Variants in DOK6 observed in about 807,000 individuals in gnomAD.
The protein encoded by DOK6 is docking protein 6.
Under a neutral mutation model 44.0 loss-of-function variants are expected in DOK6, and 22 were observed. The observed-to-expected ratio is 0.50, with a 90% confidence interval of 0.36 to 0.71. The LOEUF is 0.71. DOK6 is among the 30% of genes least tolerant of loss of function. DOK6 has a pLI of 0.00. For synonymous variants in DOK6, 166 were observed against 145.5 expected (o/e 1.14, Z -1.01); for missense variants, 340 against 416.4 (o/e 0.82, Z 1.60).
intron 1 of DOK6, among the ~76,000 whole-genome samples, chr18:69,420,097 C>G (rs1438338585): frequency 6.6e-6 from 1 of 151,762 alleles, no homozygotes; most frequent in Non-Finnish European, 1.5e-5. Context: ...TGTGAACATA[C>G]TAAAATTTAG....
chr18:69,502,665 A>G (rs762377831), intron 1 of DOK6, among the ~76,000 whole-genome samples: 12 of 152,052 alleles, frequency 7.9e-5, no homozygotes, highest in Non-Finnish European at 1.3e-4. Flanking sequence ...CATAACCTCA[A>G]ATCCCATGTT....
chr18:69,568,102 G>A (rs569023239), intron 2 of DOK6, among the ~76,000 whole-genome samples: 1 of 152,292 alleles, frequency 6.6e-6, no homozygotes, highest in South Asian at 2.1e-4. Context: ...CTGGGCACAA[G>A]CCCAACCTGT....
chr18:69,730,575 C>G (rs1487184852), intron 5 of DOK6, among the ~76,000 whole-genome samples: 1 of 152,116 alleles, frequency 6.6e-6, no homozygotes, highest in Non-Finnish European at 1.5e-5. Context: ...GAAGGTGATT[C>G]AAGCTATCTA....
intron 1 of DOK6, among the ~76,000 whole-genome samples, chr18:69,438,030 G>A (rs1356039200): frequency 6.6e-6 from 1 of 152,162 alleles, no homozygotes; most frequent in African/African-American, 2.4e-5. Context: ...ATATTTTGCT[G>A]GTGAAGGGTC....
In DOK6 at chr18:69,599,423, C is replaced by T. The variant is rs2144622181; in HGVS notation, c.214C>T (p.Pro72Ser). Residue 72 changes from proline to serine, a missense_variant, in exon 3 of 8, where the codon CCC becomes TCC. Physicochemically the swap from Pro to Ser is moderately conservative, Grantham distance 74. Transcript: ENST00000382713. Reference sequence around the variant, plus strand: ...CAATATCAAAAATATAACCAGACTGCCCCGAGAGACAAAGAAGCATGCGGT... The same window carrying T: ...CAATATCAAAAATATAACCAGACTGTCCCGAGAGACAAAGAAGCATGCGGT... Reference protein sequence around the residue: ...LHNIKNITRLPRETKKHAVAI... With the variant: ...LHNIKNITRLSRETKKHAVAI... 2.5e-6 allele frequency: 4 copies of T among 1,613,794 alleles called. No homozygotes were observed. Among genetic ancestry groups the T allele is most frequent in the Non-Finnish European group, 3.4e-6 (4 of 1,179,904 alleles).
chr18:69,756,589 G>A (rs1979363458), intron 6 of DOK6, among the ~76,000 whole-genome samples: 1 of 152,210 alleles, frequency 6.6e-6, no homozygotes, highest in Non-Finnish European at 1.5e-5. Context: ...TAAAATGTAA[G>A]AACCTCTTAG....
chr18:69,781,742 A>G (rs1980275657), intron 7 of DOK6, among the ~76,000 whole-genome samples: 1 of 152,180 alleles, frequency 6.6e-6, no homozygotes, highest in East Asian at 1.9e-4. Flanking sequence ...TATGCAAATG[A>G]CATCATTTGG....
intron 2 of DOK6, among the ~76,000 whole-genome samples, chr18:69,587,207 C>T (rs979379242): frequency 6.6e-6 from 1 of 152,160 alleles, no homozygotes; most frequent in Non-Finnish European, 1.5e-5. Flanking sequence ...TATTCTCTTA[C>T]AGTTCTGGAT....
Position 69,841,416 on chromosome 18 carries a change from G to T in DOK6, c.*33G>T. The stretch of plus-strand genomic sequence containing the variant: ...AGAGCCGCTGTTGACTAGAGAGACA[G>T]TCTGTCCTGGACCCGTCTGTGGGGT... On this transcript the variant is annotated 3_prime_UTR_variant, in exon 8 of 8. Transcript: ENST00000382713. 6.2e-7 allele frequency: 1 copy of T among 1,613,848 alleles called. No homozygotes were observed. Among genetic ancestry groups the T allele is most frequent in the Non-Finnish European group, 8.5e-7 (1 of 1,179,918 alleles).
rs182287842 is a variant in DOK6 at position 69,682,708 on chromosome 18, C to T, written c.409+4855C>T. 2.3e-3 allele frequency among the ~76,000 whole-genome samples: 352 copies of T among 152,022 alleles called. 4 individuals are homozygous for T. Among genetic ancestry groups the T allele is most frequent in the Non-Finnish European group, 1.1e-3 (74 of 68,000 alleles). ...AATAGCAGTTAGAATGTATGACATA[C>T]GGAAAGGAAGTGAAAAGCTGATATA... is the stretch of plus-strand genomic sequence containing the variant. On this transcript the variant is annotated intron_variant, in intron 4 of 7. Transcript: ENST00000382713.
chr18:69,710,741 G>A (rs902703471), intron 5 of DOK6, among the ~76,000 whole-genome samples: 2 of 152,234 alleles, frequency 1.3e-5, no homozygotes, highest in Middle Eastern at 3.2e-3. Context: ...AAAAGATAAT[G>A]TAGTCCATCA....
At chr18:69,650,607 C>T (rs557900600) in intron 3 of DOK6, among the ~76,000 whole-genome samples, 6 of 152,242 alleles carry the variant, frequency 3.9e-5, no homozygotes, top group Admixed American at 1.3e-4. Flanking sequence ...CTATCATATC[C>T]AATGAAGGGA....
chr18:69,701,981 AAT>A (rs1057077781), intron 5 of DOK6, among the ~76,000 whole-genome samples: 6 of 152,104 alleles, frequency 3.9e-5, no homozygotes, highest in African/African-American at 1.4e-4. Context: ...AAAGTTCTTA[AAT>A]ATGATACAAA....
chr18:69,514,315 C>T (rs1981455748), intron 1 of DOK6, among the ~76,000 whole-genome samples: 1 of 152,042 alleles, frequency 6.6e-6, no homozygotes, highest in Non-Finnish European at 1.5e-5. Context: ...CATTTAAGAA[C>T]ACTTTTCTCC....
chr18:69,433,176 G>A (rs6566422), intron 1 of DOK6, among the ~76,000 whole-genome samples: 43,185 of 152,008 alleles, frequency 0.28, 6,656 homozygotes, highest in East Asian at 0.43. Flanking sequence ...TATTAATAAA[G>A]TTATAATTAG....
At chr18:69,458,272 C>A (rs989050178) in intron 1 of DOK6, among the ~76,000 whole-genome samples, 4 of 152,186 alleles carry the variant, frequency 2.6e-5, no homozygotes, top group African/African-American at 7.2e-5. Context: ...TGATTCACCA[C>A]ATAAAAAGAA....
chr18:69,790,955 A>G (rs1381120076), intron 7 of DOK6, among the ~76,000 whole-genome samples: 1 of 114,334 alleles, frequency 8.7e-6, no homozygotes, highest in East Asian at 2.7e-4. Context: ...TCTAGTAACC[A>G]CCATTCTACT....
At chr18:69,605,314 C>A (rs757828808) in intron 3 of DOK6, among the ~76,000 whole-genome samples, 17 of 152,106 alleles carry the variant, frequency 1.1e-4, no homozygotes, top group Non-Finnish European at 2.4e-4. Flanking sequence ...CAGCCCCATG[C>A]GAACTGACCT....
intron 1 of DOK6, among the ~76,000 whole-genome samples, chr18:69,445,429 C>A (rs140033083): frequency 5.9e-5 from 9 of 152,260 alleles, no homozygotes; most frequent in African/African-American, 2.2e-4. Context: ...ATGAACTTTT[C>A]ATAAACGCCT....
Sources: gnomAD v4.1 joint callset for allele counts (sites outside exome capture counted in the v4.1 genomes callset) on GRCh38, gnomAD v4.1.1 for gene constraint, MANE v1.5 for transcripts, NCBI Gene and HGNC (gene_info 2026-07-23, HGNC 2026-07-21) for gene names.